CDH13: variants seen among roughly 807,000 people sequenced by gnomAD.
CDH13 encodes the protein cadherin-13.
Under a neutral mutation model 63.8 loss-of-function variants are expected in CDH13, and 24 were observed. That is an observed-to-expected ratio of 0.38 (90% CI 0.27 to 0.53). The LOEUF is 0.53. Ranked by LOEUF, CDH13 falls within the 20% of genes least tolerant of loss-of-function variation. CDH13 has a pLI of 0.85. For synonymous variants in CDH13, 503 were observed against 355.3 expected (o/e 1.42, Z -4.67); for missense variants, 1,049 against 903.1 (o/e 1.16, Z -2.07).
chr16:83,338,711 A>G (rs1170797910), intron 5 of CDH13, among the ~76,000 whole-genome samples: 2 of 152,218 alleles, frequency 1.3e-5, no homozygotes, highest in Non-Finnish European at 1.5e-5. Flanking sequence ...AAGCGTAGGT[A>G]GGAAACCCAT....
chr16:83,300,875 A>G (rs1275601642), intron 5 of CDH13, among the ~76,000 whole-genome samples: 1 of 152,112 alleles, frequency 6.6e-6, no homozygotes, highest in African/African-American at 2.4e-5. Flanking sequence ...ACATAGCGCT[A>G]AGGTAGTTCG....
At chr16:83,743,176 C>A (rs13337267) in intron 10 of CDH13, among the ~76,000 whole-genome samples, 1 of 151,998 alleles carries the variant, frequency 6.6e-6, no homozygotes, top group Non-Finnish European at 1.5e-5. Flanking sequence ...CCACTGCACT[C>A]CAGCCTGGGC....
intron 6 of CDH13, among the ~76,000 whole-genome samples, chr16:83,445,901 C>T (rs1371383583): frequency 6.6e-6 from 1 of 152,124 alleles, no homozygotes; most frequent in African/African-American, 2.4e-5. Flanking sequence ...GAACAACAGA[C>T]AGTTCAGAGA....
At chr16:83,405,635 C>A (rs1335776208) in intron 6 of CDH13, among the ~76,000 whole-genome samples, 3 of 152,212 alleles carry the variant, frequency 2.0e-5, no homozygotes, top group Non-Finnish European at 4.4e-5. Context: ...GCCACCAAAT[C>A]TGTGATAATC....
chr16:83,635,818 A>C (rs1033942630), intron 8 of CDH13, among the ~76,000 whole-genome samples: 9 of 152,086 alleles, frequency 5.9e-5, no homozygotes, highest in Admixed American at 3.3e-4. Context: ...ATGCAAGTCC[A>C]ATTTATACTT....
intron 8 of CDH13, among the ~76,000 whole-genome samples, chr16:83,656,400 C>T (rs1279457679): frequency 6.6e-6 from 1 of 152,100 alleles, no homozygotes; most frequent in Non-Finnish European, 1.5e-5. Flanking sequence ...GCCTGTTAGA[C>T]ACCCAGAAGC....
At chr16:83,646,627 G>C (rs1298402156) in intron 8 of CDH13, among the ~76,000 whole-genome samples, 1 of 143,996 alleles carries the variant, frequency 6.9e-6, no homozygotes, top group Non-Finnish European at 1.5e-5. Context: ...CTTGAACCCG[G>C]GAAGCAGTGA....
intron 5 of CDH13, among the ~76,000 whole-genome samples, chr16:83,308,414 T>G (rs2089927112): frequency 6.6e-6 from 1 of 152,158 alleles, no homozygotes; most frequent in Admixed American, 6.5e-5. Flanking sequence ...GATTTCAAGG[T>G]CCAACACAGG....
rs146413874 is a variant in CDH13, at chr16:83,393,471, G to A, written c.781+48465G>A. 2.3e-3 allele frequency among the ~76,000 whole-genome samples: 351 copies of A among 152,280 alleles called. 10 individuals carry two copies. The South Asian group carries it at 0.065, about 28-fold the overall frequency. ...GAATTTCTGTCACAATCTGCTGCCC[G>A]AGTCCAGTGACTCAGAAACAAAGTT... On this transcript the variant is annotated intron_variant, in intron 6 of 13. Coordinates refer to ENST00000567109, the MANE Select transcript of CDH13 (RefSeq NM_001257.5).
intron 2 of CDH13, among the ~76,000 whole-genome samples, chr16:82,928,298 C>T (rs1469692056): frequency 6.6e-6 from 1 of 152,022 alleles, no homozygotes; most frequent in Non-Finnish European, 1.5e-5. Flanking sequence ...ATCCAGGTTG[C>T]CTCTAGGTTT....
At chr16:83,480,032 T>C (rs1252742731) in intron 6 of CDH13, among the ~76,000 whole-genome samples, 1 of 152,102 alleles carries the variant, frequency 6.6e-6, no homozygotes, top group East Asian at 1.9e-4. Context: ...ATTTTGTCAA[T>C]GAAAAGTTGA....
chr16:83,066,803 C>A (rs573816718), intron 3 of CDH13, among the ~76,000 whole-genome samples: 1 of 152,340 alleles, frequency 6.6e-6, no homozygotes, highest in South Asian at 2.1e-4. Context: ...AGCACATTTT[C>A]TGCTTCTACT....
At chr16:82,832,649 C>G (rs976187580) in intron 1 of CDH13, among the ~76,000 whole-genome samples, 2 of 151,988 alleles carry the variant, frequency 1.3e-5, no homozygotes, top group African/African-American at 2.4e-5. Flanking sequence ...TATTATCACC[C>G]CAAAATGAAA....
chr16:83,518,724 G>A (rs948775392), intron 7 of CDH13, among the ~76,000 whole-genome samples: 8 of 151,976 alleles, frequency 5.3e-5, no homozygotes, highest in African/African-American at 1.9e-4. Flanking sequence ...GCCCGCCTCA[G>A]CCTCCCAAAG....
chr16:83,404,449 A>G (rs1377616768), intron 6 of CDH13, among the ~76,000 whole-genome samples: 1 of 152,230 alleles, frequency 6.6e-6, no homozygotes, highest in Non-Finnish European at 1.5e-5. Flanking sequence ...AAGGGTAAGC[A>G]GCTTCGCAGA....
chr16:82,997,468 T>C (rs962176915), intron 2 of CDH13, among the ~76,000 whole-genome samples: 1 of 152,180 alleles, frequency 6.6e-6, no homozygotes, highest in Non-Finnish European at 1.5e-5. Context: ...TTTATAAAAA[T>C]AAAAATTAGT....
At chr16:83,255,491 C>T (rs750365887) in intron 5 of CDH13, among the ~76,000 whole-genome samples, 3 of 152,340 alleles carry the variant, frequency 2.0e-5, no homozygotes, top group Non-Finnish European at 4.4e-5. Context: ...CACATGAGAA[C>T]GTCCCTACCA....
intron 4 of CDH13, among the ~76,000 whole-genome samples, chr16:83,216,406 A>T (rs867907155): frequency 8.2e-5 from 5 of 60,980 alleles, no homozygotes; most frequent in African/African-American, 3.7e-4. Context: ...AAATATATAT[A>T]TATATATATA....
intron 1 of CDH13, among the ~76,000 whole-genome samples, chr16:82,763,949 G>A (rs186842419): frequency 2.0e-5 from 3 of 152,294 alleles, no homozygotes; most frequent in East Asian, 1.9e-4. Context: ...CTGGGATTAC[G>A]GGTGTGAGCC....
Sources: allele counts gnomAD v4.1 joint callset (sites outside exome capture counted in the v4.1 genomes callset), GRCh38; gene constraint gnomAD v4.1.1; transcripts MANE v1.5; gene names NCBI Gene and HGNC (gene_info 2026-07-23, HGNC 2026-07-21).